PCDHGB3: variants seen among roughly 807,000 people sequenced by gnomAD.
PCDHGB3 encodes the protein protocadherin gamma-B3.
A neutral mutation model predicts 59.2 loss-of-function variants in PCDHGB3; 40 were observed. The ratio of observed to expected loss-of-function variants is 0.68; its 90% CI spans 0.52 to 0.88. PCDHGB3 has a LOEUF of 0.88. Ranked by LOEUF, PCDHGB3 falls within the 40% of genes least tolerant of loss-of-function variation. The probability of loss-of-function intolerance (pLI) is 0.00; values close to 1 mark genes in which losing one functional copy is unlikely to be tolerated. For missense variants in PCDHGB3, 1,309 were observed against 1,187.9 expected (o/e 1.10, Z -1.50); for synonymous variants, 581 against 503.6 (o/e 1.15, Z -2.06).
intron 1 of PCDHGB3, chr5:141,385,109 C>A: frequency 6.2e-7 from 1 of 1,614,174 alleles, no homozygotes; most frequent in South Asian, 1.1e-5. Flanking sequence ...AACGTGCCCA[C>A]CTCGCACTTT....
intron 1 of PCDHGB3, among the ~76,000 whole-genome samples, chr5:141,465,038 G>T (rs1297185291): frequency 6.6e-6 from 1 of 151,642 alleles, no homozygotes; most frequent in Non-Finnish European, 1.5e-5. Flanking sequence ...CACCACAAAT[G>T]ACCCTATATA....
At position 141,485,685 on chromosome 5, in the gene PCDHGB3, G is replaced by A; in HGVS notation, c.2416-9122G>A. ...GGGAGCAATTCGATTAGCAGCTATA[G>A]GCTGAGCTCCAATGAACACTTTGCA... On this transcript the variant is annotated intron_variant, in intron 1 of 3. Coordinates refer to ENST00000576222, the MANE Select transcript of PCDHGB3 (RefSeq NM_018924.5). This position sits in a 1 kb window ranked among gnomAD's most constrained non-coding sequence, Gnocchi z 5.7. 1.2e-6 allele frequency: 2 copies of A among 1,614,052 alleles called. No homozygotes were observed. The highest frequency in any genetic ancestry group is 1.3e-5 in the African/African-American group (1 of 75,072).
At position 141,432,902 on chromosome 5, in the gene PCDHGB3, A is replaced by C. The variant is rs992417865; in HGVS notation, c.2415+60093A>C. The C allele has an allele frequency of 1.2e-6, 2 of 1,614,028 alleles. No homozygotes were observed. The highest frequency in any genetic ancestry group is 2.7e-5 in the African/African-American group (2 of 74,924). On this transcript the variant is annotated intron_variant, in intron 1 of 3. Coordinates refer to ENST00000576222, the MANE Select transcript of PCDHGB3 (RefSeq NM_018924.5). The surrounding 1 kb of genome is among the most constrained non-coding windows in gnomAD (Gnocchi z 6.0). ...CTTCGTCATCTTGCTGCTGGCGCTCAGGCTGCGGCGCTGGCACAAGTCACG... is the reference window on the plus strand; with the variant it reads ...CTTCGTCATCTTGCTGCTGGCGCTCCGGCTGCGGCGCTGGCACAAGTCACG...
intron 2 of PCDHGB3, among the ~76,000 whole-genome samples, chr5:141,497,984 C>G (rs2099780951): frequency 6.6e-6 from 1 of 152,194 alleles, no homozygotes; most frequent in South Asian, 2.1e-4. Flanking sequence ...TGGGAGGCCC[C>G]TGCCCTCAAG....
chr5:141,405,359 G>A, intron 1 of PCDHGB3: 2 of 1,614,018 alleles, frequency 1.2e-6, no homozygotes, highest in Non-Finnish European at 1.7e-6. Context: ...TCCTATAGAA[G>A]ACACCCCTTT....
At chr5:141,469,543 C>T (rs1031152008) in intron 1 of PCDHGB3, among the ~76,000 whole-genome samples, 1 of 152,040 alleles carries the variant, frequency 6.6e-6, no homozygotes, top group Non-Finnish European at 1.5e-5. Context: ...CCACTGCACT[C>T]CAGCCTGGCG....
intron 2 of PCDHGB3, among the ~76,000 whole-genome samples, chr5:141,503,351 C>T (rs1186394919): frequency 6.6e-6 from 1 of 151,994 alleles, no homozygotes; most frequent in Admixed American, 6.6e-5. Context: ...AATTCCAGCA[C>T]TTTGGGAAGC....
At position 141,393,564 on chromosome 5, in the gene PCDHGB3, G is replaced by A; in HGVS notation, c.2415+20755G>A. On this transcript the variant is annotated intron_variant, in intron 1 of 3. Coordinates refer to ENST00000576222, the MANE Select transcript of PCDHGB3 (RefSeq NM_018924.5). ...TCCTCACCCGATTTACCGAGTGAAA[G>A]TCCTTGAGAACATGCCCCCAGGCAC... is the stretch of plus-strand genomic sequence containing the variant. 1 of 1,613,932 alleles carries A rather than the reference G, an allele frequency of 6.2e-7. No individual in the cohort carries two copies. Among genetic ancestry groups the A allele is most frequent in the Non-Finnish European group, 8.5e-7 (1 of 1,179,894 alleles).
intron 1 of PCDHGB3, among the ~76,000 whole-genome samples, chr5:141,437,588 A>G (rs1399641711): frequency 6.6e-6 from 1 of 152,134 alleles, no homozygotes; most frequent in African/African-American, 2.4e-5. Context: ...CATGAATTGG[A>G]TAGTTCTGGT....
chr5:141,477,221 A>G lies in PCDHGB3; in HGVS notation c.2416-17586A>G, dbSNP rs771608717. 1 of 1,614,178 alleles carries G rather than the reference A, an allele frequency of 6.2e-7. No homozygotes were observed. The highest frequency in any genetic ancestry group is 8.5e-7 in the Non-Finnish European group (1 of 1,180,044). ...AGTACCCGAGGATGCCCCTCTGGGG[A>G]CTGTCATCGCTTTGCTCAGTGTGAC... On this transcript the variant is annotated intron_variant, in intron 1 of 3. Coordinates refer to ENST00000576222, the MANE Select transcript of PCDHGB3 (RefSeq NM_018924.5). This position sits in a 1 kb window ranked among gnomAD's most constrained non-coding sequence, Gnocchi z 4.9.
chr5:141,375,956 G>C, intron 1 of PCDHGB3: 1 of 1,613,506 alleles, frequency 6.2e-7, no homozygotes, highest in Non-Finnish European at 8.5e-7. Context: ...GCACACGGGC[G>C]AGGTGCGCAC....
chr5:141,399,081 G>A (rs1336220348), intron 1 of PCDHGB3: 2 of 1,613,758 alleles, frequency 1.2e-6, no homozygotes, highest in African/African-American at 1.3e-5. Context: ...TAGAAGGGAG[G>A]GATGGTGGTG....
At chr5:141,414,897 C>G in intron 1 of PCDHGB3, 1 of 1,614,230 alleles carries the variant, frequency 6.2e-7, no homozygotes, top group Non-Finnish European at 8.5e-7. Flanking sequence ...TCCCCACAGA[C>G]GGTTCCACAG....
chr5:141,472,954 C>A (rs2099305799), intron 1 of PCDHGB3, among the ~76,000 whole-genome samples: 1 of 143,370 alleles, frequency 7.0e-6, no homozygotes, highest in Admixed American at 7.3e-5. Flanking sequence ...CCATTGCACT[C>A]CAGCCTGGGG....
At chr5:141,463,728 G>C (rs957615020) in intron 1 of PCDHGB3, among the ~76,000 whole-genome samples, 3 of 152,066 alleles carry the variant, frequency 2.0e-5, no homozygotes, top group African/African-American at 7.2e-5. Context: ...TTACAGGCAT[G>C]AGCCACCGCG....
intron 1 of PCDHGB3, chr5:141,416,540 G>T (rs1439132249): frequency 6.6e-6 from 1 of 151,974 alleles, no homozygotes; most frequent in Non-Finnish European, 1.5e-5. Flanking sequence ...GTATAAGGAG[G>T]CAAACACCTG....
At chr5:141,458,988 C>T (rs996478276) in intron 1 of PCDHGB3, among the ~76,000 whole-genome samples, 1 of 152,208 alleles carries the variant, frequency 6.6e-6, no homozygotes, top group South Asian at 2.1e-4. Context: ...CTGCCTCACC[C>T]TCCCAAAGTG....
chr5:141,507,849 C>CA (rs2099864208), intron 3 of PCDHGB3, among the ~76,000 whole-genome samples: 1 of 152,222 alleles, frequency 6.6e-6, no homozygotes, highest in African/African-American at 2.4e-5. Flanking sequence ...GCCCTGCTCT[C>CA]ACTTTCACAC....
At position 141,432,266 on chromosome 5, in the gene PCDHGB3, T is replaced by A. The variant is rs1444077446; in HGVS notation, c.2415+59457T>A. The A allele has an allele frequency of 9.3e-6, 15 of 1,614,096 alleles. No individual in the cohort carries two copies. Among genetic ancestry groups the A allele is most frequent in the Admixed American group, 3.3e-5 (2 of 60,010 alleles). The stretch of plus-strand genomic sequence containing the variant: ...CACCATCCAAGGGGCAAGCCTATCG[T>A]CCTACGTGTCCATCAACTCCGACAC... On this transcript the variant is annotated intron_variant, in intron 1 of 3. Transcript: ENST00000576222. The surrounding 1 kb of genome is among the most constrained non-coding windows in gnomAD (Gnocchi z 6.0).
Sources: allele counts gnomAD v4.1 joint callset (sites outside exome capture counted in the v4.1 genomes callset), GRCh38; gene constraint gnomAD v4.1.1; non-coding constraint Gnocchi (gnomAD v3.1); transcripts MANE v1.5; gene names NCBI Gene and HGNC (gene_info 2026-07-23, HGNC 2026-07-21).